DCAF1: variants seen among roughly 807,000 people sequenced by gnomAD.
The protein encoded by DCAF1 is DDB1- and CUL4-associated factor 1.
A neutral mutation model predicts 128.0 loss-of-function variants in DCAF1; 15 were observed. The observed-to-expected ratio is 0.12, with a 90% CI of 0.08 to 0.18. DCAF1 has a LOEUF of 0.18. DCAF1 is among the 10% of genes least tolerant of loss of function. The probability of loss-of-function intolerance (pLI) is 1.00; values close to 1 mark genes in which losing one functional copy is unlikely to be tolerated. For missense variants in DCAF1, 988 were observed against 1,649.5 expected, an observed-to-expected ratio of 0.60 and a Z score of 6.95; for synonymous variants, 610 against 603.0, an observed-to-expected ratio of 1.01 and a Z score of -0.17.
intron 17 of DCAF1, 119 bp from the exon 18 acceptor site, chr3:51,416,990 A>T: frequency 1.4e-6 from 2 of 1,457,308 alleles, no homozygotes; most frequent in Non-Finnish European, 1.8e-6. Context: ...AAGATCCTGG[A>T]CTCCCAAAGA....
chr3:51,473,286 T>C (rs1279968230), intron 3 of DCAF1, among the ~76,000 whole-genome samples: 2 of 144,932 alleles, frequency 1.4e-5, no homozygotes, highest in African/African-American at 5.1e-5. Context: ...ACAAGAAAAA[T>C]TACTATCTGG....
chr3:51,442,415 T>C (rs1159550863), intron 7 of DCAF1, among the ~76,000 whole-genome samples: 1 of 152,110 alleles, frequency 6.6e-6, no homozygotes, highest in East Asian at 1.9e-4. Context: ...GAGAGAGGGA[T>C]GGCCAGGTGC....
At chr3:51,428,443 GC>G (rs1372955825) in intron 12 of DCAF1, among the ~76,000 whole-genome samples, 2 of 146,044 alleles carry the variant, frequency 1.4e-5, no homozygotes, top group African/African-American at 5.1e-5. Context: ...TCCCACCTCT[GC>G]CTCCCAAGTA....
At chr3:51,440,564 T>C (rs1246119958) in intron 9 of DCAF1, among the ~76,000 whole-genome samples, 3 of 152,008 alleles carry the variant, frequency 2.0e-5, no homozygotes, top group Middle Eastern at 3.4e-3. Flanking sequence ...GATCACCCCA[T>C]TGCACTCCAG....
At chr3:51,399,322 C>T (rs1218505701) in intron 24 of DCAF1, among the ~76,000 whole-genome samples, 1 of 152,200 alleles carries the variant, frequency 6.6e-6, no homozygotes, top group African/African-American at 2.4e-5. Flanking sequence ...CCCTTCAATC[C>T]TCAGAAGACC....
intron 24 of DCAF1, 37 bp from the exon 25 acceptor site, chr3:51,398,864 C>T: frequency 1.3e-6 from 2 of 1,562,750 alleles, no homozygotes; most frequent in East Asian, 2.4e-5. Context: ...AGATTACACA[C>T]TAGGCTTATA....
At chr3:51,422,728 C>A (rs144350851) in intron 13 of DCAF1, among the ~76,000 whole-genome samples, 2 of 152,096 alleles carry the variant, frequency 1.3e-5, no homozygotes, top group Admixed American at 6.6e-5. Context: ...CACGTACTCT[C>A]AAAGTTTTGG....
At chr3:51,470,566 C>CA (rs1704624066) in intron 4 of DCAF1, among the ~76,000 whole-genome samples, 1 of 151,714 alleles carries the variant, frequency 6.6e-6, no homozygotes. Context: ...TACCCATCTC[C>CA]AAAAAAGAAA....
chr3:51,442,914 G>A (rs1436100714), intron 7 of DCAF1, among the ~76,000 whole-genome samples: 3 of 152,152 alleles, frequency 2.0e-5, no homozygotes, highest in African/African-American at 4.8e-5. Context: ...ACACACTGGG[G>A]CCTATCGAAG....
chr3:51,445,192 AG>A (rs1252859057), intron 6 of DCAF1, among the ~76,000 whole-genome samples: 1 of 152,168 alleles, frequency 6.6e-6, no homozygotes, highest in Non-Finnish European at 1.5e-5. Flanking sequence ...AAAATTTTAA[AG>A]AAACAGAAAC....
intron 3 of DCAF1, among the ~76,000 whole-genome samples, chr3:51,482,817 C>T (rs368667141): frequency 1.4e-5 from 2 of 146,288 alleles, no homozygotes; most frequent in East Asian, 2.1e-4. Flanking sequence ...GGAAATGAGT[C>T]TAATTTTTTT....
intron 3 of DCAF1, among the ~76,000 whole-genome samples, chr3:51,476,809 A>G (rs1204008514): frequency 1.3e-5 from 2 of 152,100 alleles, no homozygotes; most frequent in Non-Finnish European, 2.9e-5. Flanking sequence ...CGGGAGGCGG[A>G]GCTTGCAGTG....
At chr3:51,500,920 A>G (rs1354612545), upstream of DCAF1, among the ~76,000 whole-genome samples, 9 of 147,784 alleles carry the variant, frequency 6.1e-5, no homozygotes, top group Non-Finnish European at 1.3e-4. Flanking sequence ...GGCTCAAGCT[A>G]TCTTCTCACC....
intron 7 of DCAF1, 54 bp downstream of exon 7, chr3:51,443,712 A>G (rs1228634307): frequency 1.3e-6 from 2 of 1,484,676 alleles, no homozygotes; most frequent in Non-Finnish European, 1.8e-6. Flanking sequence ...AGTAACAAGA[A>G]CCTGTGAATA....
intron 13 of DCAF1, among the ~76,000 whole-genome samples, chr3:51,426,422 C>G (rs1349004321): frequency 6.6e-6 from 1 of 152,158 alleles, no homozygotes; most frequent in Non-Finnish European, 1.5e-5. Flanking sequence ...ATTGCCCAGG[C>G]TGGTCTCAAA....
At chr3:51,416,676 C>T (rs1698908530) in intron 18 of DCAF1, 111 bp downstream of exon 18, 1 of 1,427,120 alleles carries the variant, frequency 7.0e-7, no homozygotes. Context: ...GAAGGAATAT[C>T]ACTGATTTCT....
chr3:51,421,296 G>A (rs1452287419), intron 14 of DCAF1, among the ~76,000 whole-genome samples: 4 of 152,012 alleles, frequency 2.6e-5, no homozygotes, highest in South Asian at 2.1e-4. Context: ...TCGCTCTGTC[G>A]CCCAAGCTGG....
intron 23 of DCAF1, among the ~76,000 whole-genome samples, chr3:51,405,991 G>A (rs1196590904): frequency 1.3e-5 from 2 of 152,058 alleles, no homozygotes; most frequent in African/African-American, 2.4e-5. Context: ...CTACGATTGT[G>A]CCACTGCACT....
intron 3 of DCAF1, among the ~76,000 whole-genome samples, chr3:51,472,136 T>C (rs188482456): frequency 3.3e-4 from 50 of 152,300 alleles, no homozygotes; most frequent in African/African-American, 1.2e-3. Flanking sequence ...AGTACTACTA[T>C]GGCCTGCAAT....
Sources: allele counts gnomAD v4.1 joint callset (sites outside exome capture counted in the v4.1 genomes callset), GRCh38; gene constraint gnomAD v4.1.1; transcripts MANE v1.5; gene names NCBI Gene and HGNC (gene_info 2026-07-23, HGNC 2026-07-21).